DCT: variants seen among roughly 807,000 people sequenced by gnomAD.
DCT encodes dopachrome tautomerase, also known as L-dopachrome tautomerase.
A neutral mutation model predicts 53.0 loss-of-function variants in DCT; 47 were observed. That is an observed-to-expected ratio of 0.89 (90% CI 0.70 to 1.13). DCT has a LOEUF of 1.13. Among genes scored for constraint, DCT ranks in the 50% most tolerant of loss-of-function variants. The pLI is 0.00. For missense variants in DCT, 669 were observed against 637.4 expected, an observed-to-expected ratio of 1.05 and a Z score of -0.53; for synonymous variants, 244 against 237.0, an observed-to-expected ratio of 1.03 and a Z score of -0.27.
the DCT span, among the ~76,000 whole-genome samples, chr13:94,507,844 C>G: frequency 1.3e-5 from 2 of 152,194 alleles, no homozygotes; most frequent in South Asian, 4.1e-4. Flanking sequence ...GATATTAGCT[C>G]AGTTTTAATT....
At chr13:94,532,616 T>G in the DCT span, among the ~76,000 whole-genome samples, 1 of 151,976 alleles carries the variant, frequency 6.6e-6, no homozygotes, top group Admixed American at 6.6e-5. Flanking sequence ...GCAGGGAACA[T>G]CACACACCAG....
chr13:94,502,026 CCAG>C, the DCT span, among the ~76,000 whole-genome samples: 105 of 97,638 alleles, frequency 1.1e-3, no homozygotes, highest in South Asian at 1.8e-3. Flanking sequence ...TTCCATAGCC[CCAG>C]CCCCCACTTC....
At chr13:94,515,789 T>C in the DCT span, among the ~76,000 whole-genome samples, 3 of 152,118 alleles carry the variant, frequency 2.0e-5, no homozygotes, top group African/African-American at 7.2e-5. Flanking sequence ...CTGTAACAAA[T>C]ACTCACCTGG....
chr13:94,467,293 G>A lies in DCT; in HGVS notation c.596-635C>T, dbSNP rs1168496159. On this transcript the variant is annotated intron_variant, in intron 2 of 7. Transcript: ENST00000377028. ...CCAATTTTAGTGAAAAGCTCTGGACGATTTAATGACCTCCTTACTGCCTGG... is the reference window on the plus strand; with the variant it reads ...CCAATTTTAGTGAAAAGCTCTGGACAATTTAATGACCTCCTTACTGCCTGG... 3 of 152,202 alleles carry A rather than the reference G, an allele frequency of 2.0e-5. 1 individual carries two copies. The highest frequency in any genetic ancestry group is 7.2e-5 in the African/African-American group (3 of 41,440). 9.4% of individuals were successfully genotyped at this position (152,202 alleles called of 1,614,324 possible).
intron 1 of DCT, among the ~76,000 whole-genome samples, chr13:94,470,032 G>A (rs893551040): frequency 2.0e-5 from 3 of 152,034 alleles, no homozygotes; most frequent in Non-Finnish European, 4.4e-5. Context: ...CCGAGATCAT[G>A]CCATTGTACT....
chr13:94,494,365 T>G, the DCT span, among the ~76,000 whole-genome samples: 4 of 152,168 alleles, frequency 2.6e-5, no homozygotes, highest in African/African-American at 7.2e-5. Context: ...TTAAGTCTAT[T>G]TTAGGTGTAA....
the DCT span, among the ~76,000 whole-genome samples, chr13:94,494,438 T>C: frequency 1.3e-5 from 2 of 152,310 alleles, no homozygotes; most frequent in African/African-American, 2.4e-5. Context: ...TTCAGGGATT[T>C]CCCAGGCAGG....
chr13:94,481,696 C>G (rs138726605), upstream of DCT, among the ~76,000 whole-genome samples: 30 of 152,272 alleles, frequency 2.0e-4, 1 homozygote, highest in East Asian at 5.6e-3. Context: ...TGACTTTGAC[C>G]TCAGTTGTGA....
the DCT span, among the ~76,000 whole-genome samples, chr13:94,531,421 T>C: frequency 6.6e-6 from 1 of 152,174 alleles, no homozygotes; most frequent in East Asian, 1.9e-4. Context: ...CAAAACAGCA[T>C]GGTACTGGTA....
chr13:94,545,443 C>A, the DCT span, among the ~76,000 whole-genome samples: 1 of 152,108 alleles, frequency 6.6e-6, no homozygotes, highest in East Asian at 1.9e-4. Context: ...TAATTAATTC[C>A]AAATGACCAG....
upstream of DCT, among the ~76,000 whole-genome samples, chr13:94,482,471 A>G (rs144678247): frequency 6.6e-6 from 1 of 152,304 alleles, no homozygotes; most frequent in African/African-American, 2.4e-5. Flanking sequence ...ACACGTCTAC[A>G]GCCAGCCACC....
chr13:94,464,044 C>T (rs1206758275), intron 4 of DCT, among the ~76,000 whole-genome samples: 1 of 152,244 alleles, frequency 6.6e-6, no homozygotes, highest in Non-Finnish European at 1.5e-5. Flanking sequence ...AATCTCTTTT[C>T]ACATACCATC....
chr13:94,475,364 T>C (rs917724727), intron 1 of DCT, among the ~76,000 whole-genome samples: 16 of 152,114 alleles, frequency 1.1e-4, no homozygotes, highest in Admixed American at 6.6e-5. Flanking sequence ...AAGAAAAAAA[T>C]TCTACCATTT....
upstream of DCT, among the ~76,000 whole-genome samples, chr13:94,482,371 C>T (rs1885477725): frequency 6.6e-6 from 1 of 152,192 alleles, no homozygotes; most frequent in Non-Finnish European, 1.5e-5. Context: ...CATTCATTTC[C>T]ACCTTGGCCT....
chr13:94,462,066 C>G lies in DCT; in HGVS notation c.987G>C (p.Leu329=). 1 of 1,613,260 alleles carries G rather than the reference C, an allele frequency of 6.2e-7. No individual in the cohort carries two copies. The highest frequency in any genetic ancestry group is 8.5e-7 in the Non-Finnish European group (1 of 1,179,806). The change falls in exon 5 of 8, where the codon CTG becomes CTC. Residue 329 remains leucine, a synonymous_variant. Coordinates refer to ENST00000377028, the MANE Select transcript of DCT (RefSeq NM_001922.5). ...LPTLKDIRDC[L]SLQKFDNPPF... ...GAGGATTGTCAAACTTCTGGAGAGA[C>G]AGGCAATCTCGTATGTCTTTTAAGG... is the stretch of plus-strand genomic sequence containing the variant.
chr13:94,498,893 A>G, the DCT span, among the ~76,000 whole-genome samples: 8 of 152,164 alleles, frequency 5.3e-5, no homozygotes, highest in Non-Finnish European at 1.0e-4. Context: ...ACTCTGTAAA[A>G]ACACACCAAT....
chr13:94,504,632 G>A, the DCT span, among the ~76,000 whole-genome samples: 1 of 152,172 alleles, frequency 6.6e-6, no homozygotes, highest in African/African-American at 2.4e-5. Flanking sequence ...GCCTTTCAAA[G>A]TGCTGGGATT....
In DCT at chr13:94,468,519, C is replaced by T. The variant is rs962852822; in HGVS notation, c.595+227G>A. 8 of 470,184 alleles carry T rather than the reference C, an allele frequency of 1.7e-5. No homozygotes were observed. In the Admixed American group the frequency reaches 2.1e-4, roughly 12 times the overall value. 29.1% of individuals were successfully genotyped at this position (470,184 alleles called of 1,614,324 possible). The stretch of plus-strand genomic sequence containing the variant: ...AAAAGTTTACACTTTGAACCAAGAA[C>T]ATACGGTAGAGGAGAGAACATTTAA... On this transcript the variant is annotated intron_variant, in intron 2 of 7. Transcript: ENST00000377028.
the DCT span, among the ~76,000 whole-genome samples, chr13:94,497,776 C>T: frequency 6.6e-6 from 1 of 151,880 alleles, no homozygotes; most frequent in Non-Finnish European, 1.5e-5. Context: ...GAAGGGGAGG[C>T]AGGAGAGGCA....
Sources: gnomAD v4.1 joint callset for allele counts (sites outside exome capture counted in the v4.1 genomes callset) on GRCh38, gnomAD v4.1.1 for gene constraint, MANE v1.5 for transcripts, NCBI Gene and HGNC (gene_info 2026-07-23, HGNC 2026-07-21) for gene names.